Variants in PDE2A observed in about 807,000 individuals in gnomAD.
PDE2A encodes the protein phosphodiesterase 2A, also known as cGMP-dependent 3',5'-cyclic phosphodiesterase.
A neutral mutation model predicts 133.6 loss-of-function variants in PDE2A; 53 were observed. The ratio of observed to expected loss-of-function variants is 0.40; its 90% CI spans 0.32 to 0.50. The LOEUF (loss-of-function observed/expected upper bound fraction) is 0.50. Among genes scored for constraint, PDE2A ranks in the 20% least tolerant of loss-of-function variants. PDE2A has a pLI of 0.73. For synonymous variants in PDE2A, 491 were observed against 490.2 expected (o/e 1.00, Z -0.02); for missense variants, 796 against 1,232.4 (o/e 0.65, Z 5.30).
Position 72,590,362 on chromosome 11 carries a change from C to T in PDE2A, c.703+65G>A. 1.3e-6 allele frequency: 2 copies of T among 1,545,284 alleles called. No individual in the cohort carries two copies. Among genetic ancestry groups the T allele is most frequent in the Non-Finnish European group, 1.8e-6 (2 of 1,141,548 alleles). On this transcript the variant is annotated intron_variant, in intron 8 of 30. Transcript: ENST00000334456. The surrounding 1 kb of genome is among the most constrained non-coding windows in gnomAD (Gnocchi z 4.8). ...CGCCGGCTCCCGGGATCGCCTAACC[C>T]GCCCACCTCCCCTCCAAGTTCTGCC... is the stretch of plus-strand genomic sequence containing the variant.
At chr11:72,646,802 C>A (rs1859139153) in intron 1 of PDE2A, among the ~76,000 whole-genome samples, 1 of 152,202 alleles carries the variant, frequency 6.6e-6, no homozygotes, top group African/African-American at 2.4e-5. Context: ...ATTTTGAATA[C>A]CCTTCCAAAG....
chr11:72,597,632 C>A lies in PDE2A; in HGVS notation c.324-13G>T. The stretch of plus-strand genomic sequence containing the variant: ...GATGATAGCCTCCCTGAAAAGAGGA[C>A]ATGATGCCACCTTGAGAGCCCCCGA... On this transcript the variant is annotated splice_polypyrimidine_tract_variant and intron_variant, in intron 4 of 30. Transcript: ENST00000334456. This position sits in a 1 kb window ranked among gnomAD's most constrained non-coding sequence, Gnocchi z 4.6. The A allele has an allele frequency of 6.4e-7, 1 of 1,572,620 alleles. No homozygotes were observed. Among genetic ancestry groups the A allele is most frequent in the Non-Finnish European group, 8.7e-7 (1 of 1,144,444 alleles).
chr11:72,650,876 TACACACACACACACACAC>T (rs58905066), intron 1 of PDE2A, among the ~76,000 whole-genome samples: 19,928 of 130,414 alleles, frequency 0.15, 1,547 homozygotes, highest in South Asian at 0.25. Context: ...CAGTCCCCAC[TACACACACACACACACAC>T]ACACACACAC....
chr11:72,653,029 GA>G (rs1854788112), intron 1 of PDE2A, among the ~76,000 whole-genome samples: 1 of 152,264 alleles, frequency 6.6e-6, no homozygotes, highest in Non-Finnish European at 1.5e-5. Context: ...GTGGGACTGG[GA>G]GATGTGGCAT....
At position 72,589,946 on chromosome 11, in the gene PDE2A, G is replaced by C; in HGVS notation, c.792C>G (p.Leu264=). ...GGAGATTGTCCTCCGACACCAGCAG[G>C]AGGCAGCAGCGGGATGCCCGGGTCT... ...QQETRASRCC[L]LLVSEDNLQL... is the part of the protein sequence containing the mutation. Residue 264 remains leucine, a synonymous_variant, in exon 10 of 31, where the codon CTC becomes CTG. Coordinates refer to ENST00000334456, the MANE Select transcript of PDE2A (RefSeq NM_002599.5). 1.2e-6 allele frequency: 2 copies of C among 1,613,316 alleles called. No homozygotes were observed. The highest frequency in any genetic ancestry group is 1.1e-5 in the South Asian group (1 of 90,892).
chr11:72,652,670 A>AT (rs1565193039), intron 1 of PDE2A: 1 of 456,244 alleles, frequency 2.2e-6, no homozygotes, highest in Admixed American at 2.3e-5. Flanking sequence ...TATTAGCCCA[A>AT]TTTTACAGTT....
chr11:72,668,150 A>T, intron 1 of PDE2A: 1 of 692,766 alleles, frequency 1.4e-6, no homozygotes, highest in South Asian at 1.6e-5. Context: ...CTCTCTGCTC[A>T]GCTGTTCCTC....
intron 1 of PDE2A, among the ~76,000 whole-genome samples, chr11:72,670,305 C>T (rs115934816): frequency 1.6e-3 from 249 of 152,266 alleles, no homozygotes; most frequent in African/African-American, 5.8e-3. Context: ...GTCCATCTGC[C>T]CCCAGGGGTG....
intron 27 of PDE2A, 86 bp from the exon 28 acceptor site, chr11:72,579,095 G>A (rs962232002): frequency 1.8e-5 from 20 of 1,089,750 alleles, no homozygotes; most frequent in African/African-American, 3.1e-5. Context: ...AACCCAGAGC[G>A]GTCCAGGGAA....
At chr11:72,636,775 C>G (rs542229082) in intron 2 of PDE2A, among the ~76,000 whole-genome samples, 2 of 152,288 alleles carry the variant, frequency 1.3e-5, no homozygotes, top group South Asian at 2.1e-4. Context: ...TCATCACCCC[C>G]GCTTACCTGG....
At chr11:72,584,493 C>G in intron 18 of PDE2A, 58 bp downstream of exon 18, 3 of 1,531,468 alleles carry the variant, frequency 2.0e-6, no homozygotes, top group Non-Finnish European at 8.8e-7. Context: ...CCCCCGCTCG[C>G]TCGGACCCGC....
At chr11:72,643,914 A>G (rs879736554) in intron 1 of PDE2A, among the ~76,000 whole-genome samples, 2 of 152,114 alleles carry the variant, frequency 1.3e-5, no homozygotes, top group South Asian at 2.1e-4. Flanking sequence ...TACCACCAGC[A>G]CAATAAAGCC....
rs545280991 is a variant in PDE2A, at chr11:72,625,908, C to T, written c.144+16346G>A. On this transcript the variant is annotated intron_variant, in intron 2 of 30. Coordinates refer to ENST00000334456, the MANE Select transcript of PDE2A (RefSeq NM_002599.5). ...GATAAATATTTCCCGGGAAACGGAA[C>T]TTGTTCTCTCAGTGTTTACAGCCAA... is the stretch of plus-strand genomic sequence containing the variant. Among the ~76,000 whole-genome samples, 22 of 152,336 alleles carry T rather than the reference C, an allele frequency of 1.4e-4. No homozygotes were observed. In the East Asian group the frequency reaches 4.0e-3, roughly 28 times the overall value.
Position 72,579,341 on chromosome 11 carries a change from C to T in PDE2A, c.2299G>A (p.Ala767Thr). Reference protein sequence around the residue: ...MLDLMRDIILATDLAHHLRIF... With the variant: ...MLDLMRDIILTTDLAHHLRIF... ...CGGAGATGGTGGGCCAGGTCTGTGG[C>T]CAAGATGATGTCCCGCATCAGATCC... The change falls in exon 27 of 31, where the codon GCC becomes ACC. Residue 767 changes from alanine to threonine, a missense_variant. Physicochemically the swap from Ala to Thr is moderately conservative, Grantham distance 58 (BLOSUM62 0). This residue lies in a region of PDE2A where 218 missense variants were observed against 465.9 expected (regional missense o/e 0.47). Transcript: ENST00000334456. 6.2e-7 allele frequency: 1 copy of T among 1,613,946 alleles called. No homozygotes were observed. The highest frequency in any genetic ancestry group is 8.5e-7 in the Non-Finnish European group (1 of 1,179,982).
intron 13 of PDE2A, among the ~76,000 whole-genome samples, chr11:72,586,889 T>A (rs964865902): frequency 3.9e-5 from 6 of 152,132 alleles, no homozygotes; most frequent in Non-Finnish European, 1.5e-5. Context: ...GCATCCCCCA[T>A]TCATGCTTGC....
intron 1 of PDE2A, among the ~76,000 whole-genome samples, chr11:72,662,844 C>T (rs969686051): frequency 2.6e-5 from 4 of 152,152 alleles, no homozygotes; most frequent in African/African-American, 7.2e-5. Flanking sequence ...CCAAAGCTAA[C>T]CATGGCCTGA....
Position 72,590,082 on chromosome 11 carries a change from A to G in PDE2A, c.757-101T>C, listed in dbSNP as rs1015313713. The G allele has an allele frequency of 3.6e-6, 5 of 1,392,372 alleles. No homozygotes were observed. The African/African-American group carries it at 5.7e-5, about 16-fold the overall frequency. 86.3% of individuals were successfully genotyped at this position (1,392,372 alleles called of 1,614,324 possible). A position where few individuals can be genotyped will look rare whatever the true frequency, so the allele number is the denominator to read the frequency against. On this transcript the variant is annotated intron_variant, in intron 9 of 30. Transcript: ENST00000334456. This position sits in a 1 kb window ranked among gnomAD's most constrained non-coding sequence, Gnocchi z 4.8. ...GGGGCTCTTCAGGCGGGTGGAGGAG[A>G]GAGGAAGGAAGGACATCGTAATTGG...
chr11:72,627,342 A>G (rs1359623600), intron 2 of PDE2A, among the ~76,000 whole-genome samples: 1 of 152,220 alleles, frequency 6.6e-6, no homozygotes, highest in Non-Finnish European at 1.5e-5. Context: ...GGCTCAGGGA[A>G]ATGGGGACTG....
intron 2 of PDE2A, among the ~76,000 whole-genome samples, chr11:72,622,557 T>G (rs930537918): frequency 2.0e-5 from 3 of 152,216 alleles, no homozygotes; most frequent in Non-Finnish European, 4.4e-5. Context: ...GGGTAAAACT[T>G]GAAGACGTTA....
Sources: gnomAD v4.1 joint callset for allele counts (sites outside exome capture counted in the v4.1 genomes callset) on GRCh38, gnomAD v4.1.1 for gene constraint, gnomAD v4.1.1 regional missense constraint, Gnocchi (gnomAD v3.1) non-coding constraint, MANE v1.5 for transcripts, NCBI Gene and HGNC (gene_info 2026-07-23, HGNC 2026-07-21) for gene names.